The following DLG2 variants were observed in gnomAD, a reference collection of about 807,000 sequenced individuals.
DLG2 encodes the protein discs large MAGUK scaffold protein 2, also known as disks large homolog 2.
DLG2 carries 45 observed loss-of-function variants against 132.5 expected under a neutral mutation model. The observed-to-expected ratio is 0.34, with a 90% confidence interval of 0.27 to 0.44. The LOEUF (loss-of-function observed/expected upper bound fraction) is 0.44, where lower values mean the gene tolerates loss of function less well. DLG2 is among the 20% of genes least tolerant of loss of function. The pLI, the probability that DLG2 is intolerant of heterozygous loss-of-function variation, is 1.00. For synonymous variants in DLG2, 424 were observed against 419.6 expected (o/e 1.01, Z -0.13); for missense variants, 1,045 against 1,196.9 (o/e 0.87, Z 1.87).
chr11:84,612,211 A>C lies in DLG2; in HGVS notation c.358-77480T>G, dbSNP rs536822460. ...TTTTTAGCCTGGCTTTTTTCATTTGATATACCTATTTTGAGATTGATTTCT... is the reference window on the plus strand; with the variant it reads ...TTTTTAGCCTGGCTTTTTTCATTTGCTATACCTATTTTGAGATTGATTTCT... On this transcript the variant is annotated intron_variant, in intron 6 of 27. Transcript: ENST00000376104. 4.6e-5 allele frequency among the ~76,000 whole-genome samples: 7 copies of C among 152,046 alleles called. No homozygotes were observed. In the East Asian group the frequency reaches 1.2e-3, roughly 25 times the overall value.
intron 6 of DLG2, among the ~76,000 whole-genome samples, chr11:84,640,897 G>T (rs1158290022): frequency 6.7e-6 from 1 of 148,678 alleles, no homozygotes. Context: ...CTGCGATCAG[G>T]CCACTGCACT....
chr11:83,755,125 A>T (rs1157974875), intron 18 of DLG2, among the ~76,000 whole-genome samples: 1 of 151,362 alleles, frequency 6.6e-6, no homozygotes, highest in African/African-American at 2.5e-5. Flanking sequence ...TATTTCAAAG[A>T]AGATTGTGTA....
chr11:84,880,793 T>A (rs963701715), intron 6 of DLG2, among the ~76,000 whole-genome samples: 4 of 152,112 alleles, frequency 2.6e-5, no homozygotes, highest in African/African-American at 9.6e-5. Context: ...TTTAGGAGAG[T>A]ACACATAAAA....
chr11:84,710,189 G>C (rs1342647960), intron 6 of DLG2, among the ~76,000 whole-genome samples: 2 of 151,860 alleles, frequency 1.3e-5, no homozygotes, highest in Non-Finnish European at 2.9e-5. Flanking sequence ...ACCCAAAAAG[G>C]GTTAGTCCAA....
At chr11:84,386,408 CT>C (rs1422890809) in intron 7 of DLG2, among the ~76,000 whole-genome samples, 5 of 152,118 alleles carry the variant, frequency 3.3e-5, no homozygotes, top group African/African-American at 1.2e-4. Context: ...AAAAATCTCT[CT>C]CTTATTTCAA....
intron 6 of DLG2, among the ~76,000 whole-genome samples, chr11:84,624,238 T>C (rs567679571): frequency 6.6e-6 from 1 of 152,338 alleles, no homozygotes; most frequent in South Asian, 2.1e-4. Flanking sequence ...GTTTTTCTTT[T>C]ATACCATGCC....
intron 6 of DLG2, among the ~76,000 whole-genome samples, chr11:85,110,870 C>A (rs1234164730): frequency 1.3e-5 from 2 of 152,076 alleles, no homozygotes; most frequent in Non-Finnish European, 2.9e-5. Flanking sequence ...CAAAAGGTAA[C>A]TTTCTAATTT....
intron 6 of DLG2, among the ~76,000 whole-genome samples, chr11:84,841,152 T>TA (rs1464815313): frequency 6.6e-6 from 1 of 151,882 alleles, no homozygotes; most frequent in African/African-American, 2.4e-5. Context: ...TTAAAATCCG[T>TA]AAAATAACAC....
chr11:84,816,447 TTTC>T (rs1229886262), intron 6 of DLG2, among the ~76,000 whole-genome samples: 3 of 151,806 alleles, frequency 2.0e-5, no homozygotes, highest in Non-Finnish European at 4.4e-5. Context: ...TCTAATGAAT[TTTC>T]TTCTTCTTTT....
At chr11:85,043,563 T>C (rs1316061600) in intron 6 of DLG2, among the ~76,000 whole-genome samples, 3 of 152,014 alleles carry the variant, frequency 2.0e-5, no homozygotes, top group Non-Finnish European at 2.9e-5. Context: ...ACTGTATGCA[T>C]GCAAAATGCA....
At chr11:85,213,198 A>C (rs1259468654) in intron 4 of DLG2, among the ~76,000 whole-genome samples, 1 of 152,134 alleles carries the variant, frequency 6.6e-6, no homozygotes, top group East Asian at 1.9e-4. Context: ...AATTCTCTAA[A>C]ATATTTGAAG....
intron 6 of DLG2, among the ~76,000 whole-genome samples, chr11:84,897,081 C>A (rs540678331): frequency 4.0e-5 from 6 of 151,852 alleles, no homozygotes; most frequent in Non-Finnish European, 8.8e-5. Context: ...AATCAAATCA[C>A]ACTCCTTCAC....
intron 3 of DLG2, among the ~76,000 whole-genome samples, chr11:85,463,045 C>G (rs1195735170): frequency 3.9e-5 from 6 of 152,198 alleles, no homozygotes; most frequent in Non-Finnish European, 7.3e-5. Context: ...AGACACCAAC[C>G]ATACCAGAAC....
chr11:85,037,633 C>G (rs2061527661), intron 6 of DLG2, among the ~76,000 whole-genome samples: 1 of 152,024 alleles, frequency 6.6e-6, no homozygotes, highest in South Asian at 2.1e-4. Context: ...CGTAAACCCT[C>G]TCTTTATAGT....
chr11:84,382,456 G>T (rs2098752082), intron 7 of DLG2, among the ~76,000 whole-genome samples: 1 of 152,028 alleles, frequency 6.6e-6, no homozygotes, highest in South Asian at 2.1e-4. Context: ...TTTAAAATTG[G>T]ACTGAAGTAG....
chr11:85,492,557 T>G (rs1391748884), intron 3 of DLG2, among the ~76,000 whole-genome samples: 14 of 152,202 alleles, frequency 9.2e-5, no homozygotes, highest in Non-Finnish European at 1.5e-5. Context: ...TTTAACATTT[T>G]TGTTTTGCTT....
intron 17 of DLG2, chr11:83,790,725 A>T: frequency 1.3e-6 from 1 of 779,844 alleles, no homozygotes; most frequent in Non-Finnish European, 2.4e-6. Context: ...CAACCCATTC[A>T]TGGACTGATC....
At chr11:84,753,398 C>A (rs61899050) in intron 6 of DLG2, among the ~76,000 whole-genome samples, 36,195 of 151,948 alleles carry the variant, frequency 0.24, 4,695 homozygotes, top group African/African-American at 0.35. Flanking sequence ...AGACATATGA[C>A]CAATGGTAAC....
intron 6 of DLG2, among the ~76,000 whole-genome samples, chr11:84,681,875 C>T (rs1046089712): frequency 6.6e-6 from 1 of 151,250 alleles, no homozygotes; most frequent in Admixed American, 6.6e-5. Context: ...TTAGGCCTGA[C>T]TTTGATGCAG....
Sources: gnomAD v4.1 joint callset for allele counts (sites outside exome capture counted in the v4.1 genomes callset) on GRCh38, gnomAD v4.1.1 for gene constraint, MANE v1.5 for transcripts, NCBI Gene and HGNC (gene_info 2026-07-23, HGNC 2026-07-21) for gene names.